Variants in IRAK3 observed in about 807,000 individuals in gnomAD.
IRAK3 encodes interleukin-1 receptor-associated kinase 3.
IRAK3 carries 57 observed loss-of-function variants against 56.6 expected under a neutral mutation model. The ratio of observed to expected loss-of-function variants is 1.01; its 90% confidence interval spans 0.81 to 1.26. The LOEUF (loss-of-function observed/expected upper bound fraction) is 1.26, where lower values mean the gene tolerates loss of function less well. Ranked by LOEUF, IRAK3 falls within the 50% of genes most tolerant of loss-of-function variation. The pLI, the probability that IRAK3 is intolerant of heterozygous loss-of-function variation, is 0.00. For missense variants in IRAK3, 703 were observed against 719.0 expected, an observed-to-expected ratio of 0.98 and a Z score of 0.25; for synonymous variants, 258 against 255.7, an observed-to-expected ratio of 1.01 and a Z score of -0.09.
At chr12:66,204,659 T>G (rs1223603197) in intron 2 of IRAK3, among the ~76,000 whole-genome samples, 1 of 152,214 alleles carries the variant, frequency 6.6e-6, no homozygotes, top group Non-Finnish European at 1.5e-5. Context: ...GCTCTTAGAT[T>G]GGAAACTCTT....
intron 8 of IRAK3, chr12:66,234,148 C>G: frequency 6.2e-7 from 1 of 1,614,218 alleles, no homozygotes; most frequent in Non-Finnish European, 8.5e-7. Flanking sequence ...GACCACTTGC[C>G]TCCTCAACAG....
chr12:66,252,882 T>C lies in IRAK3; in HGVS notation c.*4711T>C, dbSNP rs554353951. ...CAGATTCTATTCTTCTATTGGTATG[T>C]GGTTTCTTTGGGGCATTTGTTTGGA... is the stretch of plus-strand genomic sequence containing the variant. On this transcript the variant is annotated 3_prime_UTR_variant, in exon 12 of 12. Transcript: ENST00000261233. 2 of 152,404 alleles carry C rather than the reference T, an allele frequency of 1.3e-5. No homozygotes were observed. The highest frequency in any genetic ancestry group is 2.1e-4 in the South Asian group (1 of 4,826). 9.4% of individuals were successfully genotyped at this position (152,404 alleles called of 1,614,324 possible).
intron 11 of IRAK3, among the ~76,000 whole-genome samples, chr12:66,245,717 G>C (rs1360799534): frequency 1.3e-5 from 2 of 151,650 alleles, no homozygotes; most frequent in African/African-American, 2.4e-5. Context: ...ATTTTTAATA[G>C]AGGCGGGGTT....
chr12:66,190,262 GGA>G (rs1288845738), intron 1 of IRAK3, among the ~76,000 whole-genome samples: 2 of 152,172 alleles, frequency 1.3e-5, no homozygotes, highest in African/African-American at 2.4e-5. Context: ...AGGCCTAAGA[GGA>G]GAGTTTTCTT....
chr12:66,208,760 C>T (rs1177332543), intron 2 of IRAK3, among the ~76,000 whole-genome samples: 1 of 128,782 alleles, frequency 7.8e-6, no homozygotes, highest in Admixed American at 8.3e-5. Flanking sequence ...GACTCTGTCT[C>T]AAAAAAAAAA....
At chr12:66,208,395 A>G (rs2052578382) in intron 2 of IRAK3, among the ~76,000 whole-genome samples, 1 of 152,158 alleles carries the variant, frequency 6.6e-6, no homozygotes, top group African/African-American at 2.4e-5. Context: ...GCACAAGATG[A>G]TATAAAAAAA....
intron 6 of IRAK3, among the ~76,000 whole-genome samples, chr12:66,226,503 C>A (rs1152905): frequency 0.96 from 145,896 of 152,198 alleles, 70,237 homozygotes; most frequent in East Asian, 1. Context: ...CTGCCTCCCA[C>A]ATTGCTGGGA....
At position 66,200,082 on chromosome 12, in the gene IRAK3, G is replaced by A. The variant is rs567787419; in HGVS notation, c.134-3629G>A. 4.5e-4 allele frequency among the ~76,000 whole-genome samples: 68 copies of A among 152,258 alleles called. 1 individual carries two copies. In the South Asian group the frequency reaches 0.014, roughly 31 times the overall value. On this transcript the variant is annotated intron_variant, in intron 1 of 11. Coordinates refer to ENST00000261233, the MANE Select transcript of IRAK3 (RefSeq NM_007199.3). ...TTTTCTTTCCTTACAGCCTAAACAT[G>A]CATTGAAATAGAATGTCTCAACTTT... is the stretch of plus-strand genomic sequence containing the variant.
At chr12:66,194,564 A>C (rs1308597764) in intron 1 of IRAK3, among the ~76,000 whole-genome samples, 1 of 152,010 alleles carries the variant, frequency 6.6e-6, no homozygotes, top group African/African-American at 2.4e-5. Context: ...GCGGTGGTTC[A>C]CGCCGGTAAT....
At chr12:66,226,376 GA>G (rs2136937880) in intron 6 of IRAK3, among the ~76,000 whole-genome samples, 1 of 152,194 alleles carries the variant, frequency 6.6e-6, no homozygotes, top group African/African-American at 2.4e-5. Context: ...GAGTAGCTGG[GA>G]TAACCAGGTG....
chr12:66,226,630 CCCCAT>C, intron 6 of IRAK3, 88 bp from the exon 7 acceptor site: 1 of 765,238 alleles, frequency 1.3e-6, no homozygotes, highest in Non-Finnish European at 2.4e-6. Context: ...TAGGCCTATT[CCCCAT>C]CCCACCTTAC....
intron 1 of IRAK3, among the ~76,000 whole-genome samples, chr12:66,190,315 G>A (rs757242388): frequency 2.0e-5 from 3 of 151,984 alleles, no homozygotes; most frequent in Non-Finnish European, 4.4e-5. Context: ...TTGAATTGTA[G>A]CAATGGGCTT....
rs1381522787 is a variant in IRAK3, at chr12:66,245,027, T to A, written c.1149+17T>A. ...ATCCAGCTGGTAAGAATTGTTTTCA[T>A]CCTGGCACCTATCTCTTGGTCATTT... On this transcript the variant is annotated intron_variant, in intron 10 of 11. Transcript: ENST00000261233. 4 of 1,613,914 alleles carry A rather than the reference T, an allele frequency of 2.5e-6. No individual in the cohort carries two copies. The highest frequency in any genetic ancestry group is 2.7e-5 in the African/African-American group (2 of 75,032).
intron 8 of IRAK3, among the ~76,000 whole-genome samples, chr12:66,230,997 A>G (rs925983978): frequency 6.6e-6 from 1 of 152,196 alleles, no homozygotes; most frequent in Non-Finnish European, 1.5e-5. Context: ...TCCTAGGGTT[A>G]AATGGCATAA....
At chr12:66,219,042 G>GTGTATGTA (rs1260332848) in intron 6 of IRAK3, among the ~76,000 whole-genome samples, 1 of 145,318 alleles carries the variant, frequency 6.9e-6, no homozygotes, top group African/African-American at 2.8e-5. Context: ...TCGTGTGTGT[G>GTGTATGTA]TGTGTGTATG....
At chr12:66,199,427 C>T (rs1001006531) in intron 1 of IRAK3, among the ~76,000 whole-genome samples, 11 of 152,130 alleles carry the variant, frequency 7.2e-5, no homozygotes, top group South Asian at 2.1e-4. Context: ...GGATAGTCTG[C>T]GGGGCTCAGA....
At chr12:66,223,434 C>A (rs936930358) in intron 6 of IRAK3, among the ~76,000 whole-genome samples, 4 of 151,692 alleles carry the variant, frequency 2.6e-5, no homozygotes, top group Non-Finnish European at 4.4e-5. Flanking sequence ...CCGAGGCAGG[C>A]GGATTATGAG....
At chr12:66,214,758 A>T (rs559463015) in intron 5 of IRAK3, among the ~76,000 whole-genome samples, 2 of 152,172 alleles carry the variant, frequency 1.3e-5, no homozygotes, top group South Asian at 2.1e-4. Context: ...ATGAACTTTT[A>T]AAAAAATGGT....
chr12:66,230,036 C>A (rs1223070360), intron 8 of IRAK3, among the ~76,000 whole-genome samples: 1 of 152,102 alleles, frequency 6.6e-6, no homozygotes, highest in Non-Finnish European at 1.5e-5. Flanking sequence ...GGGGTTTTGG[C>A]TCTTGATGGG....
Sources: gnomAD v4.1 joint callset for allele counts (sites outside exome capture counted in the v4.1 genomes callset) on GRCh38, gnomAD v4.1.1 for gene constraint, MANE v1.5 for transcripts, NCBI Gene and HGNC (gene_info 2026-07-23, HGNC 2026-07-21) for gene names.